TMEM255B: variants seen among roughly 807,000 people sequenced by gnomAD.
The protein encoded by TMEM255B is transmembrane protein 255B, also known as family with sequence similarity 70, member B.
Under a neutral mutation model 34.5 loss-of-function variants are expected in TMEM255B, and 35 were observed. That is an observed-to-expected ratio of 1.01 (90% CI 0.77 to 1.34). The LOEUF is 1.34. Among genes scored for constraint, TMEM255B ranks in the 40% most tolerant of loss-of-function variants. The pLI, the probability that TMEM255B is intolerant of heterozygous loss-of-function variation, is 0.00. For synonymous variants in TMEM255B, 206 were observed against 201.2 expected (o/e 1.02, Z -0.20); for missense variants, 432 against 433.2 (o/e 1.00, Z 0.02).
chr13:113,779,146 T>C (rs1284620242), intron 3 of TMEM255B, among the ~76,000 whole-genome samples: 2 of 152,146 alleles, frequency 1.3e-5, no homozygotes, highest in African/African-American at 4.8e-5. Context: ...ATGTTTCTGG[T>C]CAAAGGTGTC....
intron 4 of TMEM255B, among the ~76,000 whole-genome samples, chr13:113,798,942 T>C (rs1377384492): frequency 1.3e-5 from 2 of 152,216 alleles, no homozygotes. Context: ...TGGTCTGAAA[T>C]CCTTCTTGCT....
At chr13:113,764,588 G>T (rs115590715) in intron 1 of TMEM255B, among the ~76,000 whole-genome samples, 1 of 152,192 alleles carries the variant, frequency 6.6e-6, no homozygotes, top group East Asian at 1.9e-4. Flanking sequence ...CATCCGGAGC[G>T]CCCTGTCCCC....
At chr13:113,786,614 G>A (rs61966733) in intron 3 of TMEM255B, among the ~76,000 whole-genome samples, 4 of 150,504 alleles carry the variant, frequency 2.7e-5, no homozygotes, top group Admixed American at 6.6e-5. Context: ...CATCACCGTC[G>A]TCACTGTTGT....
chr13:113,766,364 GGCTTCGATCAGT>G, intron 2 of TMEM255B, 107 bp downstream of exon 2: 2 of 1,523,728 alleles, frequency 1.3e-6, no homozygotes, highest in Non-Finnish European at 1.8e-6. Context: ...AAGGTGGGGA[GGCTTCGATCAGT>G]GCTTGTGGTC....
rs1566341899 is a variant in TMEM255B, at chr13:113,812,928, T to TGAGTCACAGGTCCCGGGTGGGTCACAGGC, written c.*1025_*1026insGAGTCACAGGTCCCGGGTGGGTCACAGGC. On this transcript the variant is annotated 3_prime_UTR_variant, in exon 9 of 9. Coordinates refer to ENST00000375353, the MANE Select transcript of TMEM255B (RefSeq NM_182614.4). Reference sequence around the variant, plus strand: ...TCACAGGCCCCGGGTGAGTCACGGGTCCCGGGTGGGTCACGGGTCCCGGGT... The same window carrying TGAGTCACAGGTCCCGGGTGGGTCACAGGC: ...TCACAGGCCCCGGGTGAGTCACGGGTGAGTCACAGGTCCCGGGTGGGTCACAGGCCCCGGGTGGGTCACGGGTCCCGGGT... The TGAGTCACAGGTCCCGGGTGGGTCACAGGC allele has an allele frequency of 2.7e-5, 3 of 109,448 alleles. No homozygotes were observed. The highest frequency in any genetic ancestry group is 8.4e-5 in the African/African-American group (2 of 23,790). 6.8% of individuals were successfully genotyped at this position (109,448 alleles called of 1,614,324 possible). A position where few individuals can be genotyped will look rare whatever the true frequency, so the allele number is the denominator to read the frequency against.
intron 7 of TMEM255B, among the ~76,000 whole-genome samples, chr13:113,804,189 C>G (rs2051120127): frequency 6.6e-6 from 1 of 152,230 alleles, no homozygotes; most frequent in African/African-American, 2.4e-5. Flanking sequence ...GGGGATGAGG[C>G]CGGCCGGGGC....
intron 2 of TMEM255B, chr13:113,768,830 T>A: frequency 1.3e-5 from 7 of 557,150 alleles, no homozygotes; most frequent in South Asian, 1.1e-4. Flanking sequence ...GAGTGGGAAC[T>A]TCTCTTACCC....
chr13:113,782,847 A>G (rs147562136), intron 3 of TMEM255B, among the ~76,000 whole-genome samples: 1 of 152,284 alleles, frequency 6.6e-6, no homozygotes, highest in Non-Finnish European at 1.5e-5. Context: ...ACAGACTCCC[A>G]GAGGTGGGGG....
chr13:113,784,818 C>T (rs879634867), intron 3 of TMEM255B, among the ~76,000 whole-genome samples: 2 of 152,374 alleles, frequency 1.3e-5, no homozygotes, highest in East Asian at 3.9e-4. Context: ...CGAGCTGCCA[C>T]TGCCCACGGC....
intron 3 of TMEM255B, among the ~76,000 whole-genome samples, chr13:113,793,317 A>G (rs895896850): frequency 3.3e-5 from 5 of 152,192 alleles, no homozygotes; most frequent in South Asian, 2.1e-4. Context: ...AACCTAAAGT[A>G]TGTATTTTGG....
intron 8 of TMEM255B, among the ~76,000 whole-genome samples, chr13:113,811,080 C>G (rs1184342446): frequency 2.6e-5 from 4 of 151,932 alleles, no homozygotes; most frequent in Admixed American, 2.6e-4. Context: ...GCCAGTGAGG[C>G]CCCGGCCACC....
At chr13:113,779,617 C>T (rs1055953439) in intron 3 of TMEM255B, among the ~76,000 whole-genome samples, 5 of 151,706 alleles carry the variant, frequency 3.3e-5, no homozygotes, top group East Asian at 2.0e-4. Context: ...TTCCTGGAAG[C>T]GCTCTCTGTT....
rs1401158425 is a variant in TMEM255B at position 113,769,319 on chromosome 13, A to T, written c.252+159A>T. On this transcript the variant is annotated intron_variant, in intron 3 of 8. Coordinates refer to ENST00000375353, the MANE Select transcript of TMEM255B (RefSeq NM_182614.4). This position sits in a 1 kb window ranked among gnomAD's most constrained non-coding sequence, Gnocchi z 4.2. ...CGGGCTGTGGCCTGCACAGTCCTGG[A>T]TACAGGGTTCAGCGAGTACCATTCA... 2.0e-5 allele frequency among the ~76,000 whole-genome samples: 3 copies of T among 152,148 alleles called. No homozygotes were observed. Among genetic ancestry groups the T allele is most frequent in the African/African-American group, 7.2e-5 (3 of 41,428 alleles).
At chr13:113,777,775 G>A (rs1274663296) in intron 3 of TMEM255B, among the ~76,000 whole-genome samples, 1 of 152,220 alleles carries the variant, frequency 6.6e-6, no homozygotes, top group Non-Finnish European at 1.5e-5. Context: ...TCCTGCCACT[G>A]CCTTTGCCCT....
chr13:113,792,676 T>C (rs966807592), intron 3 of TMEM255B, among the ~76,000 whole-genome samples: 2 of 152,254 alleles, frequency 1.3e-5, no homozygotes, highest in African/African-American at 2.4e-5. Context: ...CACCATGCGA[T>C]GGGCTCCGTC....
chr13:113,788,922 G>A (rs1163790913), intron 3 of TMEM255B, among the ~76,000 whole-genome samples: 3 of 151,954 alleles, frequency 2.0e-5, no homozygotes, highest in East Asian at 1.9e-4. Flanking sequence ...ATCCTGCCTC[G>A]TGGAGGCCAC....
intron 1 of TMEM255B, 136 bp from the exon 2 acceptor site, chr13:113,765,979 T>C (rs2050381028): frequency 1.8e-6 from 2 of 1,124,890 alleles, no homozygotes; most frequent in Non-Finnish European, 2.5e-6. Context: ...GGTGGTCCCC[T>C]GAGGTGGGCC....
rs1404538425 is a variant in TMEM255B at position 113,815,079 on chromosome 13, C to T, written c.*3176C>T. The T allele has an allele frequency of 2.0e-5, 3 of 152,066 alleles. No homozygotes were observed. The highest frequency in any genetic ancestry group is 2.9e-5 in the Non-Finnish European group (2 of 68,068). 9.4% of individuals were successfully genotyped at this position (152,066 alleles called of 1,614,324 possible). A position where few individuals can be genotyped will look rare whatever the true frequency, so the allele number is the denominator to read the frequency against. On this transcript the variant is annotated 3_prime_UTR_variant, in exon 9 of 9. Transcript: ENST00000375353. Reference sequence around the variant, plus strand: ...TGGGCAGGGGTCCGTTGAGACTGGCCCCACCTTATTAGCTTGGGACCTTGG... The same window carrying T: ...TGGGCAGGGGTCCGTTGAGACTGGCTCCACCTTATTAGCTTGGGACCTTGG...
At chr13:113,779,421 A>G (rs1043283495) in intron 3 of TMEM255B, among the ~76,000 whole-genome samples, 2 of 152,160 alleles carry the variant, frequency 1.3e-5, no homozygotes, top group Non-Finnish European at 2.9e-5. Context: ...GCATCTGCTG[A>G]TACATCTAGG....
Sources: allele counts gnomAD v4.1 joint callset (sites outside exome capture counted in the v4.1 genomes callset), GRCh38; gene constraint gnomAD v4.1.1; non-coding constraint Gnocchi (gnomAD v3.1); transcripts MANE v1.5; gene names NCBI Gene and HGNC (gene_info 2026-07-23, HGNC 2026-07-21).